Variants in ERCC4 observed in about 807,000 individuals in gnomAD.
ERCC4 encodes DNA repair endonuclease XPF.
ERCC4 carries 65 observed loss-of-function variants against 76.9 expected under a neutral mutation model. That is an observed-to-expected ratio of 0.84 (90% CI 0.69 to 1.04). The LOEUF is 1.04. ERCC4 is among the 50% of genes least tolerant of loss of function. The pLI, the probability that ERCC4 is intolerant of heterozygous loss-of-function variation, is 0.00. For missense variants in ERCC4, 1,214 were observed against 1,128.2 expected, an observed-to-expected ratio of 1.08 and a Z score of -1.09; for synonymous variants, 463 against 410.1, an observed-to-expected ratio of 1.13 and a Z score of -1.56.
In ERCC4 at chr16:13,948,464, G is replaced by T. The variant is rs889622446; in HGVS notation, c.*117G>T. The T allele has an allele frequency of 3.1e-4, 394 of 1,261,156 alleles. No individual in the cohort carries two copies. Among genetic ancestry groups the T allele is most frequent in the Non-Finnish European group, 4.3e-4 (378 of 879,584 alleles). 78.1% of individuals were successfully genotyped at this position (1,261,156 alleles called of 1,614,324 possible). A position where few individuals can be genotyped will look rare whatever the true frequency, so the allele number is the denominator to read the frequency against. On this transcript the variant is annotated 3_prime_UTR_variant, in exon 11 of 11. Transcript: ENST00000311895. ...TTCATTCTTTTCCAATGCTCTTAATGATTGTACGGTGGACCAGAAGCCAGG... is the reference window on the plus strand; with the variant it reads ...TTCATTCTTTTCCAATGCTCTTAATTATTGTACGGTGGACCAGAAGCCAGG...
Position 13,951,214 on chromosome 16 carries a change from G to C in ERCC4, c.*2867G>C, listed in dbSNP as rs910762951. 1 of 185,054 alleles carries C rather than the reference G, an allele frequency of 5.4e-6. No homozygotes were observed. The highest frequency in any genetic ancestry group is 1.1e-5 in the Non-Finnish European group (1 of 87,444). The allele number at this position is 185,054 out of a possible 1,614,324, so 11.5% of individuals were successfully genotyped here. A position where few individuals can be genotyped will look rare whatever the true frequency, so the allele number is the denominator to read the frequency against. On this transcript the variant is annotated 3_prime_UTR_variant, in exon 11 of 11. Coordinates refer to ENST00000311895, the MANE Select transcript of ERCC4 (RefSeq NM_005236.3). ...GGTAAAGGAACTAGAGATGCATGCA[G>C]TTGCAAAATTAATGTATTTATTTTC...
intron 4 of ERCC4, 36 bp from the exon 5 acceptor site, chr16:13,930,674 A>C (rs749443851): frequency 1.1e-5 from 16 of 1,458,044 alleles, no homozygotes; most frequent in Non-Finnish European, 1.5e-5. Context: ...TATACTTAAC[A>C]TATTTTAGCA....
At chr16:13,922,384 G>A in intron 2 of ERCC4, 173 bp downstream of exon 2, 2 of 760,932 alleles carry the variant, frequency 2.6e-6, no homozygotes, top group Non-Finnish European at 4.8e-6. Flanking sequence ...TCTAAATCTG[G>A]GTGGGGGTGT....
In ERCC4 at chr16:13,920,267, G is replaced by A. The variant is rs2031942483; in HGVS notation, c.102G>A (p.Val34=). Residue 34 remains valine, a synonymous_variant, in exon 1 of 11, where the codon GTG becomes GTA. Transcript: ENST00000311895. ...LELLDTDGLV[V]CARGLGADRL... ...TGCTCGACACTGACGGGCTAGTAGT[G>A]TGCGCCCGCGGGCTCGGCGCGGACC... The A allele has an allele frequency of 3.1e-6, 5 of 1,606,740 alleles. No individual in the cohort carries two copies. In the East Asian group the frequency reaches 1.1e-4, roughly 36 times the overall value.
intron 10 of ERCC4, among the ~76,000 whole-genome samples, chr16:13,945,249 C>G (rs1025540789): frequency 9.2e-5 from 14 of 152,304 alleles, no homozygotes; most frequent in Admixed American, 6.5e-4. Context: ...CTCTGCCTCT[C>G]CCCTTAGTTG....
In ERCC4 at chr16:13,922,075, C is replaced by T. The variant is rs3136056; in HGVS notation, c.252C>T (p.Leu84=). 12,729 of 1,613,702 alleles carry T rather than the reference C, an allele frequency of 7.9e-3. 140 individuals are homozygous for T. Among genetic ancestry groups the T allele is most frequent in the Non-Finnish European group, 6.7e-3 (7,909 of 1,179,748 alleles). The change falls in exon 2 of 11, where the codon CTC becomes CTT. Residue 84 remains leucine (L), a synonymous_variant. Coordinates refer to ENST00000311895, the MANE Select transcript of ERCC4 (RefSeq NM_005236.3). ...NQLKIEGVEH[L]PRRVTNEITS... ...TGAAGATAGAAGGAGTTGAACACCTCCCTCGCCGTGTAACAAATGAAATCA... is the reference window on the plus strand; with the variant it reads ...TGAAGATAGAAGGAGTTGAACACCTTCCTCGCCGTGTAACAAATGAAATCA...
chr16:13,949,236 C>G lies in ERCC4; in HGVS notation c.*889C>G. 4.3e-6 allele frequency: 1 copy of G among 233,302 alleles called. No individual in the cohort carries two copies. The highest frequency in any genetic ancestry group is 6.0e-5 in the East Asian group (1 of 16,596). 14.5% of individuals were successfully genotyped at this position (233,302 alleles called of 1,614,324 possible). ...TTCAGTCTCCTAATATCAGAGATCC[C>G]TAAGTCCAGCTGGCTAGTTACAGAG... On this transcript the variant is annotated 3_prime_UTR_variant, in exon 11 of 11. Coordinates refer to ENST00000311895, the MANE Select transcript of ERCC4 (RefSeq NM_005236.3).
At chr16:13,921,036 G>A (rs1438272716) in intron 1 of ERCC4, among the ~76,000 whole-genome samples, 1 of 152,184 alleles carries the variant, frequency 6.6e-6, no homozygotes, top group Non-Finnish European at 1.5e-5. Context: ...TAGGAATAAC[G>A]GGAGAGTCCT....
chr16:13,946,797 G>GT (rs1287356185), intron 10 of ERCC4, among the ~76,000 whole-genome samples: 2 of 152,220 alleles, frequency 1.3e-5, no homozygotes, highest in East Asian at 3.9e-4. Flanking sequence ...TTTCACCCTT[G>GT]TTGTCCAGGC....
At chr16:13,931,015 T>C (rs2032162788) in intron 5 of ERCC4, 125 bp downstream of exon 5, 9 of 716,526 alleles carry the variant, frequency 1.3e-5, no homozygotes, top group Admixed American at 4.2e-5. Context: ...TCAAATTATG[T>C]TTTATGTTCA....
chr16:13,945,523 G>A (rs1470062912), intron 10 of ERCC4, among the ~76,000 whole-genome samples: 3 of 152,194 alleles, frequency 2.0e-5, no homozygotes, highest in East Asian at 1.9e-4. Context: ...TTTAACCTTC[G>A]GTGAGGCCAA....
intron 9 of ERCC4, among the ~76,000 whole-genome samples, chr16:13,940,822 G>A (rs554786141): frequency 4.7e-4 from 72 of 152,358 alleles, no homozygotes; most frequent in African/African-American, 1.7e-3. Flanking sequence ...CCAAGAGCCA[G>A]TGTTGAGGAG....
Position 13,950,018 on chromosome 16 carries a change from G to T in ERCC4, c.*1671G>T. The T allele has an allele frequency of 4.8e-6, 1 of 209,780 alleles. No individual in the cohort carries two copies. The highest frequency in any genetic ancestry group is 2.3e-5 in the African/African-American group (1 of 44,134). The allele number at this position is 209,780 out of a possible 1,614,324, so 13.0% of individuals were successfully genotyped here. ...CCTCTGTTGCCCAGGCTGGAGTGCA[G>T]TGGCGCAATCTCGGCTCACTGCAAC... On this transcript the variant is annotated 3_prime_UTR_variant, in exon 11 of 11. Transcript: ENST00000311895.
intron 9 of ERCC4, among the ~76,000 whole-genome samples, chr16:13,942,430 T>A (rs3136193): frequency 0.012 from 1,865 of 152,346 alleles, 41 homozygotes; most frequent in African/African-American, 0.042. Flanking sequence ...AAAGCAAATC[T>A]TCAGTTTTTT....
chr16:13,932,313 G>A (rs750183108), intron 6 of ERCC4, 28 bp downstream of exon 6: 5 of 1,596,594 alleles, frequency 3.1e-6, no homozygotes, highest in Non-Finnish European at 4.3e-6. Flanking sequence ...GTCTTTAAAT[G>A]TGTTTTTTAT....
intron 9 of ERCC4, among the ~76,000 whole-genome samples, chr16:13,941,727 A>C (rs2032416368): frequency 6.6e-6 from 1 of 152,214 alleles, no homozygotes; most frequent in Non-Finnish European, 1.5e-5. Context: ...CTTAGTAATA[A>C]CATCCTCAGT....
rs772385411 is a variant in ERCC4, at chr16:13,930,830, A to G, written c.913A>G (p.Thr305Ala). 1.9e-6 allele frequency: 3 copies of G among 1,613,478 alleles called. No individual in the cohort carries two copies. The highest frequency in any genetic ancestry group is 2.5e-6 in the Non-Finnish European group (3 of 1,179,552). ...LQYLSQYDCVTFLNLLESLRA... is the reference protein window; with the variant it reads ...LQYLSQYDCVAFLNLLESLRA... ...GTATCTCTCTCAGTATGATTGTGTC[A>G]CATTTCTTAATCTTCTGGAATCTCT... The change falls in exon 5 of 11, where the codon ACA becomes GCA. Residue 305 changes from threonine (T) to alanine (A), a missense_variant. Physicochemically the swap from Thr to Ala is moderately conservative, Grantham distance 58. Coordinates refer to ENST00000311895, the MANE Select transcript of ERCC4 (RefSeq NM_005236.3).
rs762885572 is a variant in ERCC4 at position 13,930,860 on chromosome 16, G to T, written c.943G>T (p.Ala315Ser). Residue 315 changes from alanine to serine, a missense_variant, in exon 5 of 11, where the codon GCA becomes TCA. Transcript: ENST00000311895. ...TCTTAATCTTCTGGAATCTCTGAGA[G>T]CAACGGAAAAAGCTTTTGGTCAGAA... ...TFLNLLESLRATEKAFGQNSG... is the reference protein window; with the variant it reads ...TFLNLLESLRSTEKAFGQNSG... 1 of 1,613,428 alleles carries T rather than the reference G, an allele frequency of 6.2e-7. No homozygotes were observed. The highest frequency in any genetic ancestry group is 1.1e-5 in the South Asian group (1 of 91,074).
intron 8 of ERCC4, 104 bp downstream of exon 8, chr16:13,935,847 C>A: frequency 1.1e-6 from 1 of 912,010 alleles, no homozygotes; most frequent in Non-Finnish European, 1.8e-6. Context: ...CGTTACGATG[C>A]TGCTTATGTT....
Sources: allele counts gnomAD v4.1 joint callset (sites outside exome capture counted in the v4.1 genomes callset), GRCh38; gene constraint gnomAD v4.1.1; transcripts MANE v1.5; gene names NCBI Gene and HGNC (gene_info 2026-07-23, HGNC 2026-07-21).